Variants in ELP4 observed in about 807,000 individuals in gnomAD.
ELP4 encodes elongator complex protein 4.
In ELP4, 51 loss-of-function variants were observed where a neutral mutation model predicts 48.9. That is an observed-to-expected ratio of 1.04 (90% CI 0.83 to 1.32). The LOEUF is 1.32. Among genes scored for constraint, ELP4 ranks in the 40% most tolerant of loss-of-function variants. The pLI, the probability that ELP4 is intolerant of heterozygous loss-of-function variation, is 0.00. For missense variants in ELP4, 519 were observed against 514.6 expected (o/e 1.01, Z -0.08); for synonymous variants, 210 against 189.2 (o/e 1.11, Z -0.90).
intron 7 of ELP4, chr11:31,647,045 G>A (rs1196577387): frequency 6.6e-6 from 1 of 151,762 alleles, no homozygotes; most frequent in African/African-American, 2.4e-5. Flanking sequence ...GTATTTAGCA[G>A]TATTTCAGTT....
intron 9 of ELP4, among the ~76,000 whole-genome samples, chr11:31,779,495 T>C (rs917800024): frequency 1.3e-5 from 2 of 152,116 alleles, no homozygotes; most frequent in African/African-American, 4.8e-5. Context: ...ATATAGACAG[T>C]GGCTAAGCCC....
At chr11:31,649,833 C>T (rs545153442) in intron 8 of ELP4, 6 of 256,156 alleles carry the variant, frequency 2.3e-5, no homozygotes, top group South Asian at 3.3e-4. Context: ...ACACACAAAC[C>T]GGCTGTAGTT....
chr11:31,700,074 A>C (rs1946489908), intron 9 of ELP4, among the ~76,000 whole-genome samples: 1 of 152,222 alleles, frequency 6.6e-6, no homozygotes, highest in South Asian at 2.1e-4. Context: ...TCAAAGGCTT[A>C]TATGGTGATT....
intron 9 of ELP4, among the ~76,000 whole-genome samples, chr11:31,751,427 C>T (rs1318991073): frequency 6.6e-6 from 1 of 152,054 alleles, no homozygotes; most frequent in Non-Finnish European, 1.5e-5. Context: ...AAGAAGGAAC[C>T]AAAACTTTAC....
intron 7 of ELP4, chr11:31,633,138 A>G (rs1488156805): frequency 6.6e-6 from 1 of 152,154 alleles, no homozygotes; most frequent in Non-Finnish European, 1.5e-5. Flanking sequence ...TAAATGTTAA[A>G]TGAATATTGA....
intron 3 of ELP4, among the ~76,000 whole-genome samples, chr11:31,546,183 G>C (rs2133918119): frequency 6.6e-6 from 1 of 152,144 alleles, no homozygotes; most frequent in East Asian, 1.9e-4. Context: ...AAAAGACACA[G>C]ACTGGCAAAT....
intron 9 of ELP4, among the ~76,000 whole-genome samples, chr11:31,670,605 TGAG>T (rs1420955144): frequency 2.0e-5 from 3 of 152,036 alleles, no homozygotes; most frequent in Non-Finnish European, 4.4e-5. Context: ...ACATCAAAGA[TGAG>T]GACAAAAATG....
At chr11:31,636,243 C>G (rs900538147) in intron 7 of ELP4, among the ~76,000 whole-genome samples, 2 of 151,938 alleles carry the variant, frequency 1.3e-5, no homozygotes, top group South Asian at 2.1e-4. Context: ...TATATGAATA[C>G]TTGAGCTTGG....
intron 7 of ELP4, chr11:31,645,813 G>C (rs1945186150): frequency 6.6e-6 from 1 of 151,510 alleles, no homozygotes; most frequent in Non-Finnish European, 1.5e-5. Flanking sequence ...TCTTAATGGG[G>C]GAGCCACATG....
chr11:31,557,697 A>G (rs1956952306), intron 3 of ELP4, among the ~76,000 whole-genome samples: 1 of 152,052 alleles, frequency 6.6e-6, no homozygotes, highest in Non-Finnish European at 1.5e-5. Context: ...AATTGACCAA[A>G]TATACCATTG....
chr11:31,566,321 G>GC (rs1957110799), intron 3 of ELP4, among the ~76,000 whole-genome samples: 1 of 151,642 alleles, frequency 6.6e-6, no homozygotes, highest in South Asian at 2.1e-4. Context: ...TTGCGCCACT[G>GC]CACTCTATCC....
intron 3 of ELP4, among the ~76,000 whole-genome samples, chr11:31,541,990 C>T (rs529300796): frequency 5.9e-5 from 9 of 152,122 alleles, no homozygotes; most frequent in South Asian, 4.2e-4. Context: ...AAAAATACAC[C>T]GTGTCTGACC....
At chr11:31,566,962 C>A (rs1957121558) in intron 3 of ELP4, among the ~76,000 whole-genome samples, 1 of 152,162 alleles carries the variant, frequency 6.6e-6, no homozygotes, top group Non-Finnish European at 1.5e-5. Flanking sequence ...CCATGTGTTT[C>A]ACAATTTACA....
chr11:31,586,223 A>G (rs934396183), intron 3 of ELP4, among the ~76,000 whole-genome samples: 6 of 152,194 alleles, frequency 3.9e-5, no homozygotes, highest in Non-Finnish European at 7.3e-5. Context: ...GTGAAGTTTT[A>G]CCACTGTCAA....
At chr11:31,759,831 C>T (rs1947908960) in intron 9 of ELP4, among the ~76,000 whole-genome samples, 2 of 152,078 alleles carry the variant, frequency 1.3e-5, no homozygotes, top group South Asian at 2.1e-4. Flanking sequence ...CTCAGCCTCC[C>T]GAGTAGCTGG....
Position 31,786,455 on chromosome 11 carries a change from A to C in ELP4, c.*2931A>C. 4.5e-6 allele frequency: 1 copy of C among 220,614 alleles called. No individual in the cohort carries two copies. The highest frequency in any genetic ancestry group is 9.1e-6 in the Non-Finnish European group (1 of 110,056). 13.7% of individuals were successfully genotyped at this position (220,614 alleles called of 1,614,324 possible). ...AAGCCAAAACACAGAAAAACAAAAA[A>C]GCAGATGAGGTTTATTCTTGAGAAA... On this transcript the variant is annotated 3_prime_UTR_variant, in exon 10 of 10. Transcript: ENST00000640961.
At chr11:31,686,739 G>A (rs1296336268) in intron 9 of ELP4, among the ~76,000 whole-genome samples, 4 of 151,970 alleles carry the variant, frequency 2.6e-5, no homozygotes, top group African/African-American at 9.7e-5. Context: ...GCATGGTGGC[G>A]ACACTTGTGG....
chr11:31,783,083 G>T (rs2134290076), intron 9 of ELP4, among the ~76,000 whole-genome samples: 1 of 152,296 alleles, frequency 6.6e-6, no homozygotes, highest in South Asian at 2.1e-4. Flanking sequence ...TGTTATTTAT[G>T]TGTTTACATG....
chr11:31,683,273 G>A (rs1414040398), intron 9 of ELP4, among the ~76,000 whole-genome samples: 1 of 152,022 alleles, frequency 6.6e-6, no homozygotes, highest in Non-Finnish European at 1.5e-5. Flanking sequence ...AGCTTTTATG[G>A]TGTCTTGTGT....
Sources: gnomAD v4.1 joint callset for allele counts (sites outside exome capture counted in the v4.1 genomes callset) on GRCh38, gnomAD v4.1.1 for gene constraint, MANE v1.5 for transcripts, NCBI Gene and HGNC (gene_info 2026-07-23, HGNC 2026-07-21) for gene names.